The following LIN9 variants were observed in gnomAD, a reference collection of about 807,000 sequenced individuals.
The protein encoded by LIN9 is protein lin-9 homolog.
In LIN9, 18 loss-of-function variants were observed where a neutral mutation model predicts 78.0. The ratio of observed to expected loss-of-function variants is 0.23; its 90% CI spans 0.16 to 0.34. LIN9 has a LOEUF of 0.34. Among genes scored for constraint, LIN9 ranks in the 10% least tolerant of loss-of-function variants. The pLI is 1.00. For missense variants in LIN9, 451 were observed against 644.1 expected (o/e 0.70, Z 3.25); for synonymous variants, 192 against 215.2 (o/e 0.89, Z 0.94).
chr1:226,283,341 G>C lies in LIN9; in HGVS notation c.524+2992C>G, dbSNP rs377318828. Among the ~76,000 whole-genome samples, 16 of 134,482 alleles carry C rather than the reference G, an allele frequency of 1.2e-4. No homozygotes were observed. In the East Asian group the frequency reaches 1.3e-3, roughly 11 times the overall value. 88.2% of individuals were successfully genotyped at this position (134,482 alleles called of 152,430 possible). On this transcript the variant is annotated intron_variant, in intron 6 of 14. Transcript: ENST00000681046. ...GGGTCTCACCATGGTGCCCAGGCTG[G>C]TCTTGAGTTCCTGAGCTCAAGTGAT... is the stretch of plus-strand genomic sequence containing the variant.
intron 10 of LIN9, among the ~76,000 whole-genome samples, chr1:226,260,012 T>C (rs1360606057): frequency 6.6e-6 from 1 of 152,102 alleles, no homozygotes; most frequent in African/African-American, 2.4e-5. Flanking sequence ...GATAAGCCTC[T>C]AGCTAGGCTA....
intron 11 of LIN9, among the ~76,000 whole-genome samples, chr1:226,245,786 C>T (rs1013609218): frequency 5.3e-5 from 8 of 151,964 alleles, no homozygotes; most frequent in Non-Finnish European, 1.0e-4. Context: ...TTACTAGAAA[C>T]GGGGTTTGGC....
chr1:226,283,853 T>C (rs533813901), intron 6 of LIN9, among the ~76,000 whole-genome samples: 1 of 152,000 alleles, frequency 6.6e-6, no homozygotes, highest in Admixed American at 6.6e-5. Context: ...CTCAGGAGGC[T>C]GAGGTAGGAG....
chr1:226,243,610 C>T (rs1199697739), intron 11 of LIN9, among the ~76,000 whole-genome samples: 1 of 147,938 alleles, frequency 6.8e-6, no homozygotes, highest in Admixed American at 6.8e-5. Flanking sequence ...GCAGGAGAAT[C>T]GCTTAAACCC....
intron 10 of LIN9, among the ~76,000 whole-genome samples, chr1:226,259,717 C>T (rs1659443167): frequency 6.6e-6 from 1 of 151,860 alleles, no homozygotes; most frequent in South Asian, 2.1e-4. Flanking sequence ...AAAAAATATT[C>T]TGAACTAGAT....
rs1379298265 is a variant in LIN9 at position 226,265,738 on chromosome 1, T to C, written c.937-104A>G. ...AGACGGAGTCTCGCTCTGTTGCCAC[T>C]TGTGATCTCGGCTCACTGCAATCTC... On this transcript the variant is annotated intron_variant, in intron 9 of 14. Coordinates refer to ENST00000681046, the MANE Select transcript of LIN9 (RefSeq NM_001366245.2). The surrounding 1 kb of genome is among the most constrained non-coding windows in gnomAD (Gnocchi z 4.1). 1.7e-6 allele frequency: 1 copy of C among 594,782 alleles called. No individual in the cohort carries two copies. Among genetic ancestry groups the C allele is most frequent in the East Asian group, 3.4e-5 (1 of 29,212 alleles). The allele number at this position is 594,782 out of a possible 1,614,324, so 36.8% of individuals were successfully genotyped here. A position where few individuals can be genotyped will look rare whatever the true frequency, so the allele number is the denominator to read the frequency against.
chr1:226,297,705 AACTC>A lies in LIN9; in HGVS notation c.159+10_159+13del. ...TAGAATTATTCTAAAATGTAAGAAA[AACTC>A]ACTCCTTACCATTTCCACAGCAGAG... On this transcript the variant is annotated intron_variant, in intron 3 of 14. Coordinates refer to ENST00000681046, the MANE Select transcript of LIN9 (RefSeq NM_001366245.2). The A allele has an allele frequency of 6.6e-7, 1 of 1,510,544 alleles. No individual in the cohort carries two copies. Among genetic ancestry groups the A allele is most frequent in the Non-Finnish European group, 8.9e-7 (1 of 1,120,050 alleles). 93.6% of individuals were successfully genotyped at this position (1,510,544 alleles called of 1,614,324 possible). A position where few individuals can be genotyped will look rare whatever the true frequency, so the allele number is the denominator to read the frequency against.
At position 226,271,162 on chromosome 1, in the gene LIN9, T is replaced by C. The variant is rs115453890; in HGVS notation, c.683-3072A>G. Among the ~76,000 whole-genome samples the C allele has an allele frequency of 4.4e-3, 677 of 152,316 alleles. 5 individuals carry two copies. The highest frequency in any genetic ancestry group is 0.016 in the African/African-American group (645 of 41,576). ...TCTATATACTGTAGCTAAAGTATCA[T>C]GTCTAGACATTTTTCCAAACTTCTC... On this transcript the variant is annotated intron_variant, in intron 7 of 14. Coordinates refer to ENST00000681046, the MANE Select transcript of LIN9 (RefSeq NM_001366245.2).
upstream of LIN9, chr1:226,309,165 A>T (rs1444180784): frequency 7.1e-7 from 1 of 1,401,126 alleles, no homozygotes; most frequent in Non-Finnish European, 9.4e-7. Flanking sequence ...CCGCTTTTTC[A>T]AAGGCTGCCC....
upstream of LIN9, chr1:226,309,192 G>A: frequency 6.9e-7 from 1 of 1,457,612 alleles, no homozygotes. Flanking sequence ...GTGCATTGTG[G>A]GGCGGAGACT....
chr1:226,267,520 A>G (rs560195534), intron 8 of LIN9, among the ~76,000 whole-genome samples: 27 of 151,762 alleles, frequency 1.8e-4, no homozygotes, highest in African/African-American at 5.1e-4. Context: ...CTTATGTCTG[A>G]GTTTCATCAT....
intron 7 of LIN9, among the ~76,000 whole-genome samples, chr1:226,277,184 C>T (rs775595956): frequency 5.5e-5 from 8 of 144,598 alleles, no homozygotes; most frequent in Non-Finnish European, 7.5e-5. Context: ...GCACTCCAGC[C>T]TAGGTGACAG....
chr1:226,250,509 A>G (rs913159414), intron 11 of LIN9, among the ~76,000 whole-genome samples: 1 of 152,240 alleles, frequency 6.6e-6, no homozygotes, highest in African/African-American at 2.4e-5. Flanking sequence ...AACAAGAGAT[A>G]GTGATAGCAA....
At chr1:226,278,492 T>C (rs1479978756) in intron 6 of LIN9, among the ~76,000 whole-genome samples, 1 of 151,792 alleles carries the variant, frequency 6.6e-6, no homozygotes. Flanking sequence ...CTCCTTTTTT[T>C]CTTCTCATTA....
At chr1:226,249,695 T>C (rs1267692347) in intron 11 of LIN9, among the ~76,000 whole-genome samples, 1 of 152,168 alleles carries the variant, frequency 6.6e-6, no homozygotes, top group Non-Finnish European at 1.5e-5. Flanking sequence ...TCACAGCACT[T>C]TGCCCCTTGA....
intron 1 of LIN9, chr1:226,308,765 G>A: frequency 1.7e-5 from 3 of 174,100 alleles, no homozygotes; most frequent in Non-Finnish European, 3.6e-5. Flanking sequence ...GGTGCAGGCG[G>A]CGAGGACAGC....
chr1:226,249,560 G>T (rs1243768969), intron 11 of LIN9, among the ~76,000 whole-genome samples: 1 of 151,916 alleles, frequency 6.6e-6, no homozygotes, highest in African/African-American at 2.4e-5. Context: ...ATTCACTTAG[G>T]TATCTACTTT....
rs1657400316 is a variant in LIN9 at position 226,232,495 on chromosome 1, C to G, written c.*6G>C. The G allele has an allele frequency of 6.3e-7, 1 of 1,592,776 alleles. No homozygotes were observed. Among genetic ancestry groups the G allele is most frequent in the South Asian group, 1.1e-5 (1 of 89,598 alleles). ...TCCCGTGCAGTTGGAATAATGAAAT[C>G]TTTACTCAGTCTCTGTTGGTGTTAT... On this transcript the variant is annotated 3_prime_UTR_variant, in exon 15 of 15. Transcript: ENST00000681046.
chr1:226,238,009 C>T (rs1657845525), intron 12 of LIN9, among the ~76,000 whole-genome samples: 1 of 151,058 alleles, frequency 6.6e-6, no homozygotes, highest in Non-Finnish European at 1.5e-5. Context: ...CCTGGAAACA[C>T]ACAACCTCAA....
Sources: allele counts gnomAD v4.1 joint callset (sites outside exome capture counted in the v4.1 genomes callset), GRCh38; gene constraint gnomAD v4.1.1; non-coding constraint Gnocchi (gnomAD v3.1); transcripts MANE v1.5; gene names NCBI Gene and HGNC (gene_info 2026-07-23, HGNC 2026-07-21).